Variants in ANP32B observed in about 807,000 individuals in gnomAD.
The protein encoded by ANP32B is acidic nuclear phosphoprotein 32 family member B, also known as acidic leucine-rich nuclear phosphoprotein 32 family member B.
A neutral mutation model predicts 32.2 loss-of-function variants in ANP32B; 6 were observed. The observed-to-expected ratio is 0.19, with a 90% confidence interval of 0.10 to 0.37. The LOEUF is 0.37. Ranked by LOEUF, ANP32B falls within the 10% of genes least tolerant of loss-of-function variation. ANP32B has a pLI of 1.00. For synonymous variants in ANP32B, 98 were observed against 105.8 expected, an observed-to-expected ratio of 0.93 and a Z score of 0.45; for missense variants, 204 against 289.2, an observed-to-expected ratio of 0.71 and a Z score of 2.14.
At chr9:97,989,486 A>C (rs1425305989) in intron 1 of ANP32B, among the ~76,000 whole-genome samples, 1 of 152,176 alleles carries the variant, frequency 6.6e-6, no homozygotes, top group African/African-American at 2.4e-5. Flanking sequence ...GTCCATCTTC[A>C]AGCAGAAGGC....
intron 3 of ANP32B, among the ~76,000 whole-genome samples, chr9:98,000,620 T>G (rs1021360441): frequency 8.6e-5 from 13 of 151,806 alleles, no homozygotes; most frequent in African/African-American, 2.9e-4. Context: ...AATGGCAGAG[T>G]AGGGATTCAA....
Position 97,983,733 on chromosome 9 carries a change from G to A in ANP32B, c.54+124G>A. 3 of 686,340 alleles carry A rather than the reference G, an allele frequency of 4.4e-6. 1 individual carries two copies. Among genetic ancestry groups the A allele is most frequent in the Non-Finnish European group, 4.3e-6 (2 of 466,944 alleles). 42.5% of individuals were successfully genotyped at this position (686,340 alleles called of 1,614,324 possible). A position where few individuals can be genotyped will look rare whatever the true frequency, so the allele number is the denominator to read the frequency against. ...GGGGAAGAGCGCAGCTCGTGGGCTCGGACGGGGAAGGCGGGCGGGCGCGGA... is the reference window on the plus strand; with the variant it reads ...GGGGAAGAGCGCAGCTCGTGGGCTCAGACGGGGAAGGCGGGCGGGCGCGGA... On this transcript the variant is annotated intron_variant, in intron 1 of 6. Transcript: ENST00000339399.
chr9:98,007,505 G>T (rs1403175278), intron 4 of ANP32B, among the ~76,000 whole-genome samples: 1 of 152,218 alleles, frequency 6.6e-6, no homozygotes, highest in Non-Finnish European at 1.5e-5. Context: ...TTTTCAGGAG[G>T]ATGTGCATGA....
chr9:97,997,589 G>A (rs894734990), intron 2 of ANP32B, among the ~76,000 whole-genome samples: 1 of 152,260 alleles, frequency 6.6e-6, no homozygotes, highest in Non-Finnish European at 1.5e-5. Context: ...GTAAACAGGA[G>A]TGGTAATTCT....
At chr9:97,992,441 C>T (rs533710928) in intron 1 of ANP32B, among the ~76,000 whole-genome samples, 11 of 152,276 alleles carry the variant, frequency 7.2e-5, no homozygotes, top group South Asian at 2.1e-4. Flanking sequence ...TTTCTGATGA[C>T]GCCTTGCAGT....
In ANP32B at chr9:98,011,281, TGAGGAAGAC is replaced by T; in HGVS notation, c.534_542del (p.Glu178_Glu180del). 1.9e-6 allele frequency: 3 copies of T among 1,551,100 alleles called. No individual in the cohort carries two copies. In the South Asian group the frequency reaches 3.6e-5, roughly 18 times the overall value. On this transcript the variant is annotated inframe_deletion, in exon 5 of 7. Transcript: ENST00000339399. Reference sequence around the variant, plus strand: ...TTGGACTATTTTTAGAAGGAGAAGATGAGGAAGACGAGGACGATGAGGATGGTGAAGAAG... The same window carrying T: ...TTGGACTATTTTTAGAAGGAGAAGATGAGGACGATGAGGATGGTGAAGAAG...
rs1418539448 is a variant in ANP32B at position 98,005,058 on chromosome 9, A to G, written c.422A>G (p.Gln141Arg). 1 of 1,613,912 alleles carries G rather than the reference A, an allele frequency of 6.2e-7. No individual in the cohort carries two copies. Among genetic ancestry groups the G allele is most frequent in the East Asian group, 2.2e-5 (1 of 44,882 alleles). The change falls in exon 4 of 7, where the codon CAG (glutamine) becomes CGG (arginine). Residue 141 changes from glutamine (Q) to arginine (R), a missense_variant. Gln to Arg is a conservative substitution (Grantham distance 43, BLOSUM62 1). Coordinates refer to ENST00000339399, the MANE Select transcript of ANP32B (RefSeq NM_006401.3). ...YRESVFKLLP[Q>R]LTYLDGYDRE... ...GAGAGTGTCTTCAAGCTCCTGCCCC[A>G]GCTTACCTACTTGGATGGCTATGAC...
chr9:97,983,476 C>A lies in ANP32B; in HGVS notation c.-80C>A. The A allele has an allele frequency of 1.5e-6, 2 of 1,335,502 alleles. No individual in the cohort carries two copies. The highest frequency in any genetic ancestry group is 2.1e-5 in the Admixed American group (1 of 48,118). The allele number at this position is 1,335,502 out of a possible 1,614,324, so 82.7% of individuals were successfully genotyped here. ...GCTAGCAAACCCTTCCGACGGCCCT[C>A]GCTGCGCAAGCCGGGACGCCTCTCC... On this transcript the variant is annotated 5_prime_UTR_variant, in exon 1 of 7. Transcript: ENST00000339399.
intron 1 of ANP32B, among the ~76,000 whole-genome samples, chr9:97,985,075 C>G (rs1256345362): frequency 1.3e-5 from 2 of 150,300 alleles, no homozygotes; most frequent in Admixed American, 6.6e-5. Flanking sequence ...AGCCCCCCCC[C>G]CGCCGCGGAC....
chr9:98,015,875 T>C lies in ANP32B; in HGVS notation c.*444T>C. On this transcript the variant is annotated 3_prime_UTR_variant, in exon 7 of 7. Coordinates refer to ENST00000339399, the MANE Select transcript of ANP32B (RefSeq NM_006401.3). ...TATTATTTTTTTTACATTAGGACATTTTATGTGACAACTGCCAAAAAAGTA... is the reference window on the plus strand; with the variant it reads ...TATTATTTTTTTTACATTAGGACATCTTATGTGACAACTGCCAAAAAAGTA... The C allele has an allele frequency of 1.0e-6, 1 of 967,700 alleles. No individual in the cohort carries two copies. The highest frequency in any genetic ancestry group is 5.3e-4 in the Middle Eastern group (1 of 1,872). 59.9% of individuals were successfully genotyped at this position (967,700 alleles called of 1,614,324 possible).
chr9:97,992,030 A>G (rs1196471252), intron 1 of ANP32B, among the ~76,000 whole-genome samples: 2 of 152,176 alleles, frequency 1.3e-5, no homozygotes, highest in African/African-American at 4.8e-5. Context: ...ACACAGTGAT[A>G]TAGTGGTAAC....
chr9:98,011,999 C>T (rs1213172843), intron 5 of ANP32B, among the ~76,000 whole-genome samples: 1 of 152,146 alleles, frequency 6.6e-6, no homozygotes, highest in South Asian at 2.1e-4. Flanking sequence ...AAAACGCATC[C>T]TCTTTTGTAG....
At position 98,011,254 on chromosome 9, in the gene ANP32B, T is replaced by A; in HGVS notation, c.518-17T>A. The A allele has an allele frequency of 1.9e-6, 3 of 1,550,568 alleles. No homozygotes were observed. Among genetic ancestry groups the A allele is most frequent in the Non-Finnish European group, 2.6e-6 (3 of 1,146,390 alleles). On this transcript the variant is annotated splice_polypyrimidine_tract_variant and intron_variant, in intron 4 of 6. Coordinates refer to ENST00000339399, the MANE Select transcript of ANP32B (RefSeq NM_006401.3). The stretch of plus-strand genomic sequence containing the variant: ...GCGTCGAGGATATTTAATGAATCCC[T>A]TTTGGACTATTTTTAGAAGGAGAAG...
chr9:98,015,743 ACT>A lies in ANP32B; in HGVS notation c.*313_*314del. Reference sequence around the variant, plus strand: ...TCAACCGTCTGTGGCTACCAGTTACACTGAGATTGTAACAGCATTTTTACTTT... The same window carrying A: ...TCAACCGTCTGTGGCTACCAGTTACAGAGATTGTAACAGCATTTTTACTTT... On this transcript the variant is annotated 3_prime_UTR_variant, in exon 7 of 7. Coordinates refer to ENST00000339399, the MANE Select transcript of ANP32B (RefSeq NM_006401.3). The A allele has an allele frequency of 9.8e-7, 1 of 1,020,364 alleles. No homozygotes were observed. Among genetic ancestry groups the A allele is most frequent in the Non-Finnish European group, 1.2e-6 (1 of 852,376 alleles). 63.2% of individuals were successfully genotyped at this position (1,020,364 alleles called of 1,614,324 possible). A position where few individuals can be genotyped will look rare whatever the true frequency, so the allele number is the denominator to read the frequency against.
intron 5 of ANP32B, 72 bp downstream of exon 5, chr9:98,011,461 CAAAA>C: frequency 6.6e-7 from 1 of 1,520,180 alleles, no homozygotes; most frequent in Non-Finnish European, 8.8e-7. Context: ...AAAAAGATGA[CAAAA>C]GAAAAGAAAA....
rs747733461 is a variant in ANP32B, at chr9:97,983,538, A to AG, written c.-12dup. 15 of 1,564,182 alleles carry AG rather than the reference A, an allele frequency of 9.6e-6. No homozygotes were observed. Among genetic ancestry groups the AG allele is most frequent in the East Asian group, 2.4e-5 (1 of 41,402 alleles). ...CCGCCGCGGAAAGTTAAGTTTGAAG[A>AG]GGGGGGAAGAGGGGAACATGGACAT... On this transcript the variant is annotated 5_prime_UTR_variant, in exon 1 of 7. Coordinates refer to ENST00000339399, the MANE Select transcript of ANP32B (RefSeq NM_006401.3).
chr9:98,002,555 C>T (rs1487913715), intron 3 of ANP32B, among the ~76,000 whole-genome samples: 1 of 152,000 alleles, frequency 6.6e-6, no homozygotes, highest in Non-Finnish European at 1.5e-5. Context: ...CCTATTGGGC[C>T]TTAAAGCACA....
intron 1 of ANP32B, chr9:97,987,417 A>G (rs954206058): frequency 2.0e-5 from 3 of 152,236 alleles, no homozygotes; most frequent in Non-Finnish European, 2.9e-5. Context: ...CCATATATAC[A>G]CCATGGAAAT....
Position 97,983,540 on chromosome 9 carries a change from G to A in ANP32B, c.-16G>A, listed in dbSNP as rs755058457. On this transcript the variant is annotated 5_prime_UTR_variant, in exon 1 of 7. Transcript: ENST00000339399. ...GCCGCGGAAAGTTAAGTTTGAAGAG[G>A]GGGGAAGAGGGGAACATGGACATGA... The A allele has an allele frequency of 2.5e-6, 4 of 1,569,060 alleles. No homozygotes were observed. The highest frequency in any genetic ancestry group is 2.4e-5 in the East Asian group (1 of 41,706).
Sources: allele counts gnomAD v4.1 joint callset (sites outside exome capture counted in the v4.1 genomes callset), GRCh38; gene constraint gnomAD v4.1.1; transcripts MANE v1.5; gene names NCBI Gene and HGNC (gene_info 2026-07-23, HGNC 2026-07-21).